The following STPG2 variants were observed in gnomAD, a reference collection of about 807,000 sequenced individuals.
The protein encoded by STPG2 is sperm tail PG-rich repeat containing 2.
STPG2 carries 56 observed loss-of-function variants against 54.2 expected under a neutral mutation model. The observed-to-expected ratio is 1.03, with a 90% CI of 0.83 to 1.29. The LOEUF (loss-of-function observed/expected upper bound fraction) is 1.29, where lower values mean the gene tolerates loss of function less well. STPG2 is among the 50% of genes most tolerant of loss of function. The pLI is 0.00. For missense variants in STPG2, 596 were observed against 544.9 expected, an observed-to-expected ratio of 1.09 and a Z score of -0.93; for synonymous variants, 200 against 181.8, an observed-to-expected ratio of 1.10 and a Z score of -0.81.
intron 4 of STPG2, among the ~76,000 whole-genome samples, chr4:97,470,336 C>A (rs1251119529): frequency 6.6e-6 from 1 of 152,084 alleles, no homozygotes; most frequent in African/African-American, 2.4e-5. Context: ...AAGATTTTCA[C>A]TAAACATTTT....
intron 9 of STPG2, among the ~76,000 whole-genome samples, chr4:97,770,392 T>G (rs1726182282): frequency 6.6e-6 from 1 of 152,144 alleles, no homozygotes; most frequent in East Asian, 1.9e-4. Context: ...GGAAGAACAT[T>G]ACAGGGTGAA....
intron 8 of STPG2, among the ~76,000 whole-genome samples, chr4:97,914,850 C>T (rs953301348): frequency 6.6e-5 from 10 of 152,146 alleles, no homozygotes; most frequent in Admixed American, 2.0e-4. Context: ...GGGATGTCAA[C>T]GTGTACTTTC....
chr4:97,506,372 G>T (rs929840118), intron 4 of STPG2, among the ~76,000 whole-genome samples: 23 of 151,764 alleles, frequency 1.5e-4, no homozygotes, highest in African/African-American at 5.1e-4. Flanking sequence ...TAGATTGGAG[G>T]CGCCGACCTG....
chr4:97,742,181 A>G (rs1407054216), intron 9 of STPG2, among the ~76,000 whole-genome samples: 2 of 151,952 alleles, frequency 1.3e-5, no homozygotes, highest in Non-Finnish European at 2.9e-5. Flanking sequence ...ACATGGACAC[A>G]GGAAGGAGAA....
At chr4:97,534,810 ACT>A (rs1205300008) in intron 4 of STPG2, among the ~76,000 whole-genome samples, 1 of 152,022 alleles carries the variant, frequency 6.6e-6, no homozygotes, top group Non-Finnish European at 1.5e-5. Flanking sequence ...GACAACCACT[ACT>A]CTGCTTCCTG....
intron 4 of STPG2, among the ~76,000 whole-genome samples, chr4:97,463,021 T>C (rs1335168955): frequency 1.3e-5 from 2 of 152,178 alleles, no homozygotes; most frequent in Admixed American, 1.3e-4. Context: ...TAAATGAGCA[T>C]AAATTTTATC....
chr4:97,561,198 C>G (rs1732229061), intron 10 of STPG2, among the ~76,000 whole-genome samples: 1 of 151,968 alleles, frequency 6.6e-6, no homozygotes, highest in Non-Finnish European at 1.5e-5. Flanking sequence ...TCTCTGATGG[C>G]CAGTGATGGT....
chr4:97,511,404 A>T (rs1217556499), intron 4 of STPG2, among the ~76,000 whole-genome samples: 2 of 152,208 alleles, frequency 1.3e-5, no homozygotes, highest in Non-Finnish European at 2.9e-5. Flanking sequence ...TTCAATAAGA[A>T]AGTAAAACAA....
At chr4:97,949,217 T>C (rs1184734771) in intron 7 of STPG2, among the ~76,000 whole-genome samples, 3 of 152,150 alleles carry the variant, frequency 2.0e-5, no homozygotes, top group Non-Finnish European at 4.4e-5. Flanking sequence ...TGTTGTTTTA[T>C]CTAATATAAG....
At chr4:97,739,127 G>C (rs1474548932) in intron 9 of STPG2, among the ~76,000 whole-genome samples, 1 of 152,078 alleles carries the variant, frequency 6.6e-6, no homozygotes, top group Non-Finnish European at 1.5e-5. Context: ...GGTACATAAT[G>C]AAATGAAGGC....
In STPG2 at chr4:97,963,695, T is replaced by C. The variant is rs550015054; in HGVS notation, c.933+8585A>G. Among the ~76,000 whole-genome samples, 3 of 151,578 alleles carry C rather than the reference T, an allele frequency of 2.0e-5. No individual in the cohort carries two copies. The East Asian group carries it at 5.8e-4, about 29-fold the overall frequency. ...AATACATATATATGTATTTGAAATA[T>C]ATATACACACATATATATGTATTTG... On this transcript the variant is annotated intron_variant, in intron 7 of 10. Transcript: ENST00000295268.
At chr4:97,454,131 G>A (rs1464439434) in intron 4 of STPG2, among the ~76,000 whole-genome samples, 2 of 152,040 alleles carry the variant, frequency 1.3e-5, no homozygotes, top group Non-Finnish European at 2.9e-5. Context: ...CATGGCTTAA[G>A]CTTAAAAACA....
intron 10 of STPG2, among the ~76,000 whole-genome samples, chr4:97,678,798 C>G (rs1340585624): frequency 6.7e-6 from 1 of 148,182 alleles, no homozygotes; most frequent in Non-Finnish European, 1.5e-5. Flanking sequence ...ACAACAGTCC[C>G]CAGAGTGTGA....
chr4:97,541,796 A>C (rs535878245), intron 4 of STPG2, among the ~76,000 whole-genome samples: 7 of 152,028 alleles, frequency 4.6e-5, no homozygotes, highest in Non-Finnish European at 7.4e-5. Context: ...GAACAGAACA[A>C]AGCCCTCAGA....
At chr4:98,087,396 C>T (rs1031221103) in intron 5 of STPG2, among the ~76,000 whole-genome samples, 6 of 152,126 alleles carry the variant, frequency 3.9e-5, no homozygotes, top group African/African-American at 2.4e-5. Context: ...GTTCTCAGTA[C>T]TCACCAAGAC....
chr4:97,661,493 T>A (rs1404969002), intron 10 of STPG2, among the ~76,000 whole-genome samples: 1 of 152,158 alleles, frequency 6.6e-6, no homozygotes, highest in Admixed American at 6.5e-5. Flanking sequence ...AACAATGCTA[T>A]ACTGTCTGGG....
chr4:98,067,550 T>C (rs1266410458), intron 5 of STPG2, among the ~76,000 whole-genome samples: 2 of 152,134 alleles, frequency 1.3e-5, no homozygotes. Flanking sequence ...TCAGATAATA[T>C]CAAGATTTAT....
chr4:97,572,729 A>C (rs1732630646), intron 10 of STPG2: 1 of 152,162 alleles, frequency 6.6e-6, no homozygotes. Context: ...CTGAAGTTGA[A>C]GGTGAATAGT....
At chr4:97,851,765 A>T (rs1729164994) in intron 8 of STPG2, among the ~76,000 whole-genome samples, 1 of 152,144 alleles carries the variant, frequency 6.6e-6, no homozygotes, top group South Asian at 2.1e-4. Flanking sequence ...TCTCTTTGCT[A>T]TCAAAAAGTA....
Sources: allele counts gnomAD v4.1 joint callset (sites outside exome capture counted in the v4.1 genomes callset), GRCh38; gene constraint gnomAD v4.1.1; transcripts MANE v1.5; gene names NCBI Gene and HGNC (gene_info 2026-07-23, HGNC 2026-07-21).